The following OAS3 variants were observed in gnomAD, a reference collection of about 807,000 sequenced individuals.
OAS3 encodes the protein 2'-5'-oligoadenylate synthase 3.
A neutral mutation model predicts 113.0 loss-of-function variants in OAS3; 107 were observed. That is an observed-to-expected ratio of 0.95 (90% CI 0.81 to 1.11). The LOEUF (loss-of-function observed/expected upper bound fraction) is 1.11. OAS3 is among the 50% of genes most tolerant of loss of function. The probability of loss-of-function intolerance (pLI) is 0.00; values close to 1 mark genes in which losing one functional copy is unlikely to be tolerated. For synonymous variants in OAS3, 552 were observed against 573.6 expected (o/e 0.96, Z 0.54); for missense variants, 1,258 against 1,389.1 (o/e 0.91, Z 1.50).
chr12:112,967,378 A>C (rs758698490), intron 12 of OAS3, 40 bp from the exon 13 acceptor site: 2 of 1,575,386 alleles, frequency 1.3e-6, no homozygotes, highest in East Asian at 4.6e-5. Flanking sequence ...CTGGGACAAC[A>C]TGGGAGCCGG....
At position 112,965,899 on chromosome 12, in the gene OAS3, G is replaced by GC. The variant is rs747036383; in HGVS notation, c.2560dup (p.Arg854ProfsTer8). The stretch of plus-strand genomic sequence containing the variant: ...CCCAGCTGGAGGCATGTCAACAGGA[G>GC]CGGCAGTTCGAGGTCAAGTTTGAAG... On this transcript the variant is annotated frameshift_variant, in exon 12 of 16. Coordinates refer to ENST00000228928, the MANE Select transcript of OAS3 (RefSeq NM_006187.4). LOFTEE classifies it high-confidence loss of function. 6.2e-7 allele frequency: 1 copy of GC among 1,613,658 alleles called. No individual in the cohort carries two copies. Among genetic ancestry groups the GC allele is most frequent in the East Asian group, 2.2e-5 (1 of 44,868 alleles).
chr12:112,944,772 T>A, intron 3 of OAS3, 121 bp downstream of exon 3: 1 of 1,048,946 alleles, frequency 9.5e-7, no homozygotes, highest in Non-Finnish European at 1.4e-6. Context: ...AATTGTCTGT[T>A]TATGTCCCTT....
Position 112,968,014 on chromosome 12 carries a change from C to T in OAS3, c.2944C>T (p.Gln982Ter). 2 of 1,614,028 alleles carry T rather than the reference C, an allele frequency of 1.2e-6. No individual in the cohort carries two copies. The highest frequency in any genetic ancestry group is 8.5e-7 in the Non-Finnish European group (1 of 1,179,890). ...ACTCCTGACTGTGTATGCCTGGGAG[C>T]AGGGCGGGAAGGACTCCCAGTTCAA... is the stretch of plus-strand genomic sequence containing the variant. ...LELLTVYAWE[Q>*]GGKDSQFNMA... Residue 982 changes from glutamine to a stop codon, truncating the protein, a stop_gained, in exon 14 of 16, where the codon CAG becomes TAG. Transcript: ENST00000228928. LOFTEE classifies it high-confidence loss of function.
At chr12:112,945,411 T>C (rs893917692) in intron 3 of OAS3, 1 of 154,632 alleles carries the variant, frequency 6.5e-6, no homozygotes, top group African/African-American at 2.4e-5. Context: ...TCCTATTGTA[T>C]TTCTGTTCAT....
At chr12:112,964,725 C>T (rs1369284700) in intron 11 of OAS3, among the ~76,000 whole-genome samples, 1 of 152,002 alleles carries the variant, frequency 6.6e-6, no homozygotes, top group Non-Finnish European at 1.5e-5. Flanking sequence ...ATCATCAGGA[C>T]TCAGTTTTTC....
chr12:112,948,432 G>A (rs1028802074), intron 5 of OAS3, among the ~76,000 whole-genome samples: 1 of 151,146 alleles, frequency 6.6e-6, no homozygotes, highest in Non-Finnish European at 1.5e-5. Context: ...GAACTAGGGA[G>A]GCGGAGGTTG....
intron 2 of OAS3, chr12:112,942,072 C>T (rs2136343334): frequency 1.6e-6 from 1 of 623,414 alleles, no homozygotes; most frequent in South Asian, 2.0e-5. Context: ...TGTCAAGATG[C>T]TTGGCCCTCC....
At chr12:112,961,955 C>T (rs994043591) in intron 8 of OAS3, among the ~76,000 whole-genome samples, 1 of 152,172 alleles carries the variant, frequency 6.6e-6, no homozygotes, top group African/African-American at 2.4e-5. Context: ...ACTACTACAC[C>T]TGGCTGATTT....
At chr12:112,956,303 A>AT (rs1252956896) in intron 7 of OAS3, among the ~76,000 whole-genome samples, 5 of 152,006 alleles carry the variant, frequency 3.3e-5, no homozygotes, top group African/African-American at 7.3e-5. Context: ...GGATTCATTG[A>AT]TTTTTTGAAG....
At chr12:112,950,595 C>G in intron 6 of OAS3, 98 bp from the exon 7 acceptor site, 1 of 1,386,068 alleles carries the variant, frequency 7.2e-7, no homozygotes, top group Non-Finnish European at 9.9e-7. Context: ...AGCAAGAGGG[C>G]AGGTTCCAGG....
chr12:112,939,306 C>CTTTTT lies in OAS3; in HGVS notation c.177+626_177+630dup, dbSNP rs58792765. ...GCTAAATTACTACTCTGAGTCACAT[C>CTTTTT]TTTTTTTTTTTTTTTTTTTTTTTTT... is the stretch of plus-strand genomic sequence containing the variant. On this transcript the variant is annotated intron_variant, in intron 1 of 15. Coordinates refer to ENST00000228928, the MANE Select transcript of OAS3 (RefSeq NM_006187.4). Among the ~76,000 whole-genome samples the CTTTTT allele has an allele frequency of 3.5e-4, 24 of 68,250 alleles. 1 individual carries two copies. Among genetic ancestry groups the CTTTTT allele is most frequent in the African/African-American group, 9.9e-4 (18 of 18,230 alleles). The allele number at this position is 68,250 out of a possible 152,430, so 44.8% of individuals were successfully genotyped here.
At chr12:112,956,965 G>C (rs965842789) in intron 7 of OAS3, among the ~76,000 whole-genome samples, 62 of 152,136 alleles carry the variant, frequency 4.1e-4, no homozygotes, top group Non-Finnish European at 8.2e-4. Flanking sequence ...TTATTGTGTG[G>C]GAGTCTAAGT....
intron 2 of OAS3, 69 bp from the exon 3 acceptor site, chr12:112,944,407 G>A (rs1466948762): frequency 7.7e-6 from 12 of 1,568,390 alleles, no homozygotes; most frequent in South Asian, 3.3e-5. Context: ...GGCTGAGCTC[G>A]GCACCAACAC....
chr12:112,942,460 C>T (rs1162556095), intron 2 of OAS3, among the ~76,000 whole-genome samples: 2 of 152,074 alleles, frequency 1.3e-5, no homozygotes, highest in Admixed American at 6.5e-5. Flanking sequence ...CCTGTAATCC[C>T]AGCTTCGGGA....
rs1406478114 is a variant in OAS3 at position 112,967,662 on chromosome 12, G to T, written c.2865+69G>T. On this transcript the variant is annotated intron_variant, in intron 13 of 15. Transcript: ENST00000228928. ...CTGCCTCTGGAGCACTTTCCTGGGAGGAAGCAGGGCCCAGCCCTGGCCAAG... is the reference window on the plus strand; with the variant it reads ...CTGCCTCTGGAGCACTTTCCTGGGATGAAGCAGGGCCCAGCCCTGGCCAAG... 2.9e-5 allele frequency: 44 copies of T among 1,527,024 alleles called. 1 individual carries two copies. In the South Asian group the frequency reaches 5.3e-4, roughly 18 times the overall value. 94.6% of individuals were successfully genotyped at this position (1,527,024 alleles called of 1,614,324 possible).
intron 1 of OAS3, among the ~76,000 whole-genome samples, chr12:112,938,938 C>G (rs1240970839): frequency 6.6e-6 from 1 of 152,198 alleles, no homozygotes. Flanking sequence ...CAGAGAGGTA[C>G]AGTGACGTGT....
rs772805393 is a variant in OAS3 at position 112,961,210 on chromosome 12, G to C, written c.1797G>C (p.Lys599Asn). The C allele has an allele frequency of 6.2e-7, 1 of 1,613,158 alleles. No individual in the cohort carries two copies. ...TGAACATTCGCCCTGTCAAGCTGAA[G>C]AACCTGATTCTGCTGGTGAAGCACT... is the stretch of plus-strand genomic sequence containing the variant. ...NFMNIRPVKL[K>N]NLILLVKHWY... The change falls in exon 8 of 16, where the codon AAG (lysine) becomes AAC (asparagine). Residue 599 changes from lysine to asparagine, a missense_variant. Lys to Asn is a moderately conservative substitution (Grantham distance 94). Transcript: ENST00000228928.
At position 112,950,720 on chromosome 12, in the gene OAS3, C is replaced by T. The variant is rs914297343; in HGVS notation, c.1402C>T (p.Leu468=). 11 of 1,613,896 alleles carry T rather than the reference C, an allele frequency of 6.8e-6. No homozygotes were observed. Among genetic ancestry groups the T allele is most frequent in the Middle Eastern group, 1.6e-4 (1 of 6,084 alleles). Residue 468 remains leucine (L), a synonymous_variant, in exon 7 of 16, where the codon CTA becomes TTA. Transcript: ENST00000228928. ...GGGCTCATTTGGCCGGGGCACAGAC[C>T]TAAGGGATGGCTGTGATGTTGAACT... ...KGGSFGRGTD[L]RDGCDVELII... is the part of the protein sequence containing the mutation.
intron 2 of OAS3, among the ~76,000 whole-genome samples, chr12:112,942,812 A>C (rs1401872418): frequency 1.3e-5 from 2 of 149,220 alleles, no homozygotes; most frequent in Non-Finnish European, 3.0e-5. Flanking sequence ...TATTATTGTT[A>C]TTATTATTAT....
Sources: allele counts gnomAD v4.1 joint callset (sites outside exome capture counted in the v4.1 genomes callset), GRCh38; gene constraint gnomAD v4.1.1; transcripts MANE v1.5; gene names NCBI Gene and HGNC (gene_info 2026-07-23, HGNC 2026-07-21).